The following METTL15 variants were observed in gnomAD, a reference collection of about 807,000 sequenced individuals.
METTL15 encodes the protein methyltransferase 15, mitochondrial 12S rRNA N4-cytidine.
A neutral mutation model predicts 38.3 loss-of-function variants in METTL15; 34 were observed. The observed-to-expected ratio is 0.89, with a 90% CI of 0.68 to 1.18. The LOEUF is 1.18. Among genes scored for constraint, METTL15 ranks in the 50% most tolerant of loss-of-function variants. METTL15 has a pLI of 0.00. For synonymous variants in METTL15, 162 were observed against 170.9 expected (o/e 0.95, Z 0.41); for missense variants, 438 against 498.4 (o/e 0.88, Z 1.15).
chr11:28,147,707 T>G (rs1849934970), intron 3 of METTL15, among the ~76,000 whole-genome samples: 1 of 151,790 alleles, frequency 6.6e-6, no homozygotes, highest in South Asian at 2.1e-4. Flanking sequence ...TCAAATATGT[T>G]TTAAAAACAC....
At chr11:28,463,222 A>T (rs1382744679) in intron 6 of METTL15, among the ~76,000 whole-genome samples, 1 of 152,194 alleles carries the variant, frequency 6.6e-6, no homozygotes, top group African/African-American at 2.4e-5. Flanking sequence ...TATTAAACAT[A>T]TGGTAATCCA....
At chr11:28,153,401 G>T (rs980086862) in intron 3 of METTL15, among the ~76,000 whole-genome samples, 2 of 152,050 alleles carry the variant, frequency 1.3e-5, no homozygotes, top group Non-Finnish European at 2.9e-5. Context: ...TCAAGTTTTG[G>T]TTTTTGGAAC....
At chr11:28,430,249 G>C in intron 6 of METTL15, among the ~76,000 whole-genome samples, 1 of 147,412 alleles carries the variant, frequency 6.8e-6, no homozygotes, top group Admixed American at 6.7e-5. Context: ...CCCCCGCCAG[G>C]CCAGCCGCCC....
intron 4 of METTL15, among the ~76,000 whole-genome samples, chr11:28,283,216 G>T (rs1360214974): frequency 6.6e-6 from 1 of 152,118 alleles, no homozygotes; most frequent in Non-Finnish European, 1.5e-5. Flanking sequence ...TTGAAAATTT[G>T]TGAACAGATT....
chr11:28,449,143 C>T (rs189748245), intron 6 of METTL15, among the ~76,000 whole-genome samples: 7 of 152,290 alleles, frequency 4.6e-5, no homozygotes, highest in Admixed American at 2.0e-4. Flanking sequence ...CTTAGCCATA[C>T]TCCCTGTTGA....
intron 6 of METTL15, among the ~76,000 whole-genome samples, chr11:28,459,237 AC>A (rs1851195502): frequency 6.6e-6 from 1 of 152,202 alleles, no homozygotes; most frequent in Admixed American, 6.5e-5. Flanking sequence ...CTGATATGTA[AC>A]TACATGTTGT....
chr11:28,248,888 T>A (rs1854623521), intron 4 of METTL15, among the ~76,000 whole-genome samples: 1 of 152,058 alleles, frequency 6.6e-6, no homozygotes, highest in Non-Finnish European at 1.5e-5. Flanking sequence ...TCAATACCTC[T>A]AAGTTAATCT....
chr11:28,426,597 T>G (rs1431638161), intron 6 of METTL15, among the ~76,000 whole-genome samples: 1 of 151,012 alleles, frequency 6.6e-6, no homozygotes, highest in Non-Finnish European at 1.5e-5. Context: ...TTTTTTTTTT[T>G]TTTTTTTTTG....
chr11:28,246,480 A>C (rs550199150), intron 4 of METTL15, among the ~76,000 whole-genome samples: 1 of 152,270 alleles, frequency 6.6e-6, no homozygotes, highest in Admixed American at 6.5e-5. Context: ...TTAGGAGTGC[A>C]GTAAGCGAGC....
At chr11:28,445,481 A>C (rs1354716883) in intron 6 of METTL15, among the ~76,000 whole-genome samples, 1 of 152,214 alleles carries the variant, frequency 6.6e-6, no homozygotes, top group East Asian at 1.9e-4. Context: ...CCACATTTTA[A>C]TTTTATTAAT....
intron 4 of METTL15, among the ~76,000 whole-genome samples, chr11:28,247,585 T>G (rs555988172): frequency 7.2e-5 from 11 of 152,226 alleles, no homozygotes; most frequent in Non-Finnish European, 2.9e-5. Flanking sequence ...AAATGAAGCT[T>G]TATGTAAGTT....
chr11:28,286,862 A>T (rs1352638235), intron 4 of METTL15, among the ~76,000 whole-genome samples: 1 of 151,850 alleles, frequency 6.6e-6, no homozygotes, highest in African/African-American at 2.4e-5. Context: ...AGAGAAACAG[A>T]ACCAGTAGTA....
At chr11:28,115,266 T>G (rs1027474739) in intron 3 of METTL15, among the ~76,000 whole-genome samples, 5 of 150,184 alleles carry the variant, frequency 3.3e-5, no homozygotes, top group African/African-American at 1.2e-4. Context: ...CTCGTTTTCT[T>G]TTTTTTTTTG....
At chr11:28,166,676 A>G (rs1253846235) in intron 3 of METTL15, among the ~76,000 whole-genome samples, 3 of 152,186 alleles carry the variant, frequency 2.0e-5, no homozygotes, top group Non-Finnish European at 4.4e-5. Context: ...CTGGCCAGGC[A>G]TAGTGGCTCA....
intron 5 of METTL15, among the ~76,000 whole-genome samples, chr11:28,366,632 G>T (rs1451762065): frequency 6.6e-6 from 1 of 152,110 alleles, no homozygotes; most frequent in Non-Finnish European, 1.5e-5. Flanking sequence ...CATTTTCAAA[G>T]ACTAAAAAAC....
At position 28,174,586 on chromosome 11, in the gene METTL15, G is replaced by A. The variant is rs572287329; in HGVS notation, c.271-36476G>A. On this transcript the variant is annotated intron_variant, in intron 3 of 6. Transcript: ENST00000407364. Reference sequence around the variant, plus strand: ...TCTCAGCACTTTGGGAGGCTGAGGCGGGCATATCACGAGGTCAGGAGATTG... The same window carrying A: ...TCTCAGCACTTTGGGAGGCTGAGGCAGGCATATCACGAGGTCAGGAGATTG... 9.2e-5 allele frequency among the ~76,000 whole-genome samples: 14 copies of A among 151,922 alleles called. No homozygotes were observed. In the East Asian group the frequency reaches 1.9e-3, roughly 21 times the overall value.
intron 4 of METTL15, among the ~76,000 whole-genome samples, chr11:28,268,413 A>G (rs1855519202): frequency 6.6e-6 from 1 of 152,054 alleles, no homozygotes; most frequent in Non-Finnish European, 1.5e-5. Context: ...AGCTCTTTGT[A>G]GTTCATAGCA....
intron 6 of METTL15, among the ~76,000 whole-genome samples, chr11:28,487,209 T>C (rs886925000): frequency 1.3e-5 from 2 of 152,170 alleles, no homozygotes; most frequent in African/African-American, 4.8e-5. Context: ...TTTAGAAATG[T>C]ATTCTAAGAG....
chr11:28,278,006 A>T (rs745714988), intron 4 of METTL15, among the ~76,000 whole-genome samples: 49 of 152,176 alleles, frequency 3.2e-4, no homozygotes, highest in Non-Finnish European at 5.4e-4. Context: ...TTATAGTTTT[A>T]AAAAATGTAC....
Sources: allele counts gnomAD v4.1 joint callset (sites outside exome capture counted in the v4.1 genomes callset), GRCh38; gene constraint gnomAD v4.1.1; transcripts MANE v1.5; gene names NCBI Gene and HGNC (gene_info 2026-07-23, HGNC 2026-07-21).